Variants in FER1L6 observed in about 807,000 individuals in gnomAD.
FER1L6 encodes the protein fer-1 like family member 6, also known as fer-1-like protein 6.
FER1L6 carries 177 observed loss-of-function variants against 219.2 expected under a neutral mutation model. That is an observed-to-expected ratio of 0.81 (90% confidence interval 0.71 to 0.91). The LOEUF is 0.91. Among genes scored for constraint, FER1L6 ranks in the 40% least tolerant of loss-of-function variants. The pLI is 0.00. For synonymous variants in FER1L6, 768 were observed against 824.3 expected, an observed-to-expected ratio of 0.93 and a Z score of 1.17; for missense variants, 2,153 against 2,259.9, an observed-to-expected ratio of 0.95 and a Z score of 0.96.
chr8:124,015,578 T>TAC (rs1818153365), intron 15 of FER1L6, among the ~76,000 whole-genome samples: 1 of 60,742 alleles, frequency 1.6e-5, no homozygotes, highest in Non-Finnish European at 3.0e-5. Flanking sequence ...AAGCTATATA[T>TAC]ATATATATAT....
At chr8:123,949,735 T>C (rs1814672724) in intron 1 of FER1L6, among the ~76,000 whole-genome samples, 2 of 152,152 alleles carry the variant, frequency 1.3e-5, no homozygotes, top group Admixed American at 1.3e-4. Flanking sequence ...AAATGTTCTG[T>C]GGGCAGGTAG....
chr8:124,096,531 G>A (rs928684962), intron 35 of FER1L6, among the ~76,000 whole-genome samples: 1 of 152,098 alleles, frequency 6.6e-6, no homozygotes, highest in Non-Finnish European at 1.5e-5. Flanking sequence ...ATACAACAGA[G>A]CTTAGCATGG....
chr8:124,037,660 C>A (rs1357240727), intron 19 of FER1L6, among the ~76,000 whole-genome samples: 2 of 152,168 alleles, frequency 1.3e-5, no homozygotes, highest in Non-Finnish European at 2.9e-5. Context: ...GATATGGTTG[C>A]TGTGTTCTCA....
chr8:123,994,914 T>G (rs1444963762), intron 12 of FER1L6, among the ~76,000 whole-genome samples: 1 of 152,254 alleles, frequency 6.6e-6, no homozygotes, highest in East Asian at 1.9e-4. Flanking sequence ...CTTTTATGTT[T>G]CTCTTTGCTC....
chr8:123,975,132 G>A lies in FER1L6; in HGVS notation c.527-18G>A, dbSNP rs748082247. 1 of 1,575,392 alleles carries A rather than the reference G, an allele frequency of 6.3e-7. No individual in the cohort carries two copies. The highest frequency in any genetic ancestry group is 8.6e-7 in the Non-Finnish European group (1 of 1,157,576). On this transcript the variant is annotated intron_variant, in intron 7 of 40. Coordinates refer to ENST00000522917, the MANE Select transcript of FER1L6 (RefSeq NM_001039112.2). Reference sequence around the variant, plus strand: ...GGCCCATCTGTGAAGGATGTGAGCTGTCAGGGTGCTTTCACAGGTCATCAG... The same window carrying A: ...GGCCCATCTGTGAAGGATGTGAGCTATCAGGGTGCTTTCACAGGTCATCAG...
intron 34 of FER1L6, among the ~76,000 whole-genome samples, chr8:124,091,967 T>A (rs1822053058): frequency 7.5e-6 from 1 of 133,568 alleles, no homozygotes; most frequent in African/African-American, 2.8e-5. Context: ...ACTCAAGTCT[T>A]AAAAAAAAAA....
At chr8:123,898,806 C>CATATATATACATATGTGT (rs1563677607) in intron 1 of FER1L6, among the ~76,000 whole-genome samples, 1 of 76,166 alleles carries the variant, frequency 1.3e-5, no homozygotes, top group African/African-American at 4.1e-5. Flanking sequence ...CATATATACA[C>CATATATATACATATGTGT]ATATATATAC....
intron 1 of FER1L6, among the ~76,000 whole-genome samples, chr8:123,855,746 ATGTGTGTATATATATG>A (rs1292334194): frequency 1.9e-3 from 264 of 142,018 alleles, no homozygotes; most frequent in African/African-American, 7.1e-3. Context: ...ATATGTGTGT[ATGTGTGTATATATATG>A]TGTGTGTATA....
At chr8:123,893,511 C>T (rs1308205169) in intron 1 of FER1L6, among the ~76,000 whole-genome samples, 1 of 152,158 alleles carries the variant, frequency 6.6e-6, no homozygotes, top group Admixed American at 6.5e-5. Context: ...AGACAGTATA[C>T]ATATGTAAAC....
At chr8:123,887,606 T>G (rs1310883844) in intron 1 of FER1L6, among the ~76,000 whole-genome samples, 2 of 152,192 alleles carry the variant, frequency 1.3e-5, no homozygotes, top group African/African-American at 4.8e-5. Flanking sequence ...TTTAAAGGAA[T>G]TTCCATTTGC....
chr8:123,907,498 G>C (rs1449183492), intron 1 of FER1L6, among the ~76,000 whole-genome samples: 1 of 151,892 alleles, frequency 6.6e-6, no homozygotes, highest in East Asian at 2.0e-4. Flanking sequence ...GATTTTGCCT[G>C]CATAGGGCTG....
chr8:124,058,220 G>A (rs991121504), intron 22 of FER1L6, among the ~76,000 whole-genome samples: 1 of 152,180 alleles, frequency 6.6e-6, no homozygotes, highest in African/African-American at 2.4e-5. Flanking sequence ...ATGACCCTAA[G>A]AGTGAGTGCC....
intron 12 of FER1L6, among the ~76,000 whole-genome samples, chr8:123,988,959 G>T (rs1816725307): frequency 6.6e-6 from 1 of 151,902 alleles, no homozygotes; most frequent in Non-Finnish European, 1.5e-5. Context: ...ACTAGCTGTG[G>T]GTCTGTCATA....
intron 1 of FER1L6, among the ~76,000 whole-genome samples, chr8:123,876,968 G>A (rs952953940): frequency 1.3e-5 from 2 of 152,186 alleles, no homozygotes; most frequent in Non-Finnish European, 2.9e-5. Context: ...CCCTAGGCTG[G>A]CTTGGCCATT....
chr8:123,991,085 C>A (rs1816835218), intron 12 of FER1L6, among the ~76,000 whole-genome samples: 1 of 152,100 alleles, frequency 6.6e-6, no homozygotes, highest in South Asian at 2.1e-4. Flanking sequence ...GCTTTTATAC[C>A]AATACCATGC....
At position 124,060,286 on chromosome 8, in the gene FER1L6, T is replaced by G. The variant is rs117275600; in HGVS notation, c.2981T>G (p.Val994Gly). 11,612 of 1,613,754 alleles carry G rather than the reference T, an allele frequency of 7.2e-3. 45 individuals are homozygous for G. Among genetic ancestry groups the G allele is most frequent in the Non-Finnish European group, 8.9e-3 (10,545 of 1,179,828 alleles). ...CGGCCGGTGCTGAGCAAATACCGAG[T>G]GGAGGTACGGGTCAGCGGAGGAGCT... is the stretch of plus-strand genomic sequence containing the variant. ...NIRPVLSKYR[V>G]EVLFWGVREM... The change falls in exon 23 of 41, where the codon GTG becomes GGG. Residue 994 changes from valine to glycine, a missense_variant. By Grantham distance (109) the Val-to-Gly change is moderately radical. Coordinates refer to ENST00000522917, the MANE Select transcript of FER1L6 (RefSeq NM_001039112.2).
chr8:123,943,859 T>A (rs1814362836), intron 1 of FER1L6, among the ~76,000 whole-genome samples: 1 of 152,074 alleles, frequency 6.6e-6, no homozygotes, highest in Admixed American at 6.6e-5. Flanking sequence ...GACTGCTGTG[T>A]GGCTCTAGGC....
At chr8:123,898,616 C>A (rs944605619) in intron 1 of FER1L6, among the ~76,000 whole-genome samples, 1 of 146,360 alleles carries the variant, frequency 6.8e-6, no homozygotes, top group African/African-American at 2.5e-5. Flanking sequence ...TAATTCAGTC[C>A]TTTTTATGGC....
chr8:123,996,798 G>C (rs1817153964), intron 12 of FER1L6, among the ~76,000 whole-genome samples: 1 of 151,682 alleles, frequency 6.6e-6, no homozygotes, highest in Non-Finnish European at 1.5e-5. Context: ...TATGTTTTTT[G>C]ATTTGAGGTT....
Sources: allele counts gnomAD v4.1 joint callset (sites outside exome capture counted in the v4.1 genomes callset), GRCh38; gene constraint gnomAD v4.1.1; transcripts MANE v1.5; gene names NCBI Gene and HGNC (gene_info 2026-07-23, HGNC 2026-07-21).